The following WDR7 variants were observed in gnomAD, a reference collection of about 807,000 sequenced individuals.
WDR7 encodes WD repeat domain 7, also known as WD repeat-containing protein 7.
In WDR7, 46 loss-of-function variants were observed where a neutral mutation model predicts 169.4. The ratio of observed to expected loss-of-function variants is 0.27; its 90% CI spans 0.21 to 0.35. The LOEUF (loss-of-function observed/expected upper bound fraction) is 0.35, where lower values mean the gene tolerates loss of function less well. WDR7 is among the 10% of genes least tolerant of loss of function. The probability of loss-of-function intolerance (pLI) is 1.00; values close to 1 mark genes in which losing one functional copy is unlikely to be tolerated. For synonymous variants in WDR7, 612 were observed against 666.8 expected, an observed-to-expected ratio of 0.92 and a Z score of 1.27; for missense variants, 1,534 against 1,859.3, an observed-to-expected ratio of 0.83 and a Z score of 3.22.
At position 56,962,357 on chromosome 18, in the gene WDR7, T is replaced by C. The variant is rs76790929; in HGVS notation, c.4065-73T>C. Reference sequence around the variant, plus strand: ...CTGGCTTTAACCTTTGAAATGTTGCTGTCCACTTCCAAGTGCAGGTCATCT... The same window carrying C: ...CTGGCTTTAACCTTTGAAATGTTGCCGTCCACTTCCAAGTGCAGGTCATCT... On this transcript the variant is annotated intron_variant, in intron 25 of 27. Transcript: ENST00000254442. 0.011 allele frequency: 12,249 copies of C among 1,139,380 alleles called. 798 individuals are homozygous for C. The African/African-American group carries it at 0.15, about 14-fold the overall frequency. The allele number at this position is 1,139,380 out of a possible 1,614,324, so 70.6% of individuals were successfully genotyped here.
rs545128702 is a variant in WDR7 at position 56,746,516 on chromosome 18, A to C, written c.1990-10067A>C. 2.0e-5 allele frequency among the ~76,000 whole-genome samples: 3 copies of C among 152,228 alleles called. No individual in the cohort carries two copies. The South Asian group carries it at 6.2e-4, about 32-fold the overall frequency. On this transcript the variant is annotated intron_variant, in intron 14 of 27. Coordinates refer to ENST00000254442, the MANE Select transcript of WDR7 (RefSeq NM_015285.3). The stretch of plus-strand genomic sequence containing the variant: ...TATTTCAGTAAGTGTAGTACTTGCT[A>C]TATGCTTGTGCCACCCTTCACCTGG...
intron 17 of WDR7, among the ~76,000 whole-genome samples, chr18:56,777,808 G>A (rs2044263090): frequency 6.6e-6 from 1 of 152,144 alleles, no homozygotes; most frequent in Non-Finnish European, 1.5e-5. Context: ...AAAACATGGG[G>A]ACTTAAAAGT....
In WDR7 at chr18:56,694,618, G is replaced by A; in HGVS notation, c.967-1G>A. ...AGATATTCAAATACTTTTTTTGGCA[G>A]TTGCTAATTTGTCCTCCTGTTACTC... On this transcript the variant is annotated splice_acceptor_variant, in intron 9 of 27. Coordinates refer to ENST00000254442, the MANE Select transcript of WDR7 (RefSeq NM_015285.3). LOFTEE classifies it high-confidence loss of function. 6.2e-7 allele frequency: 1 copy of A among 1,601,218 alleles called. No homozygotes were observed. Among genetic ancestry groups the A allele is most frequent in the South Asian group, 1.1e-5 (1 of 88,510 alleles).
At chr18:56,850,592 C>T (rs1263076495) in intron 20 of WDR7, among the ~76,000 whole-genome samples, 1 of 152,186 alleles carries the variant, frequency 6.6e-6, no homozygotes. Flanking sequence ...CCACTGCAGC[C>T]TCAACCTCCT....
At chr18:56,691,018 C>T (rs1481113156) in intron 7 of WDR7, among the ~76,000 whole-genome samples, 198 bp from the exon 8 acceptor site, 2 of 152,196 alleles carry the variant, frequency 1.3e-5, no homozygotes, top group Non-Finnish European at 2.9e-5. Context: ...GGAGGTTACC[C>T]ATAACTAGGG....
chr18:56,700,252 C>CTTTTTTTTTT lies in WDR7; in HGVS notation c.1578+3804_1578+3813dup, dbSNP rs1226348026. Among the ~76,000 whole-genome samples the CTTTTTTTTTT allele has an allele frequency of 4.5e-4, 30 of 67,248 alleles. 2 individuals carry two copies. Among genetic ancestry groups the CTTTTTTTTTT allele is most frequent in the Admixed American group, 7.7e-4 (3 of 3,888 alleles). 44.1% of individuals were successfully genotyped at this position (67,248 alleles called of 152,430 possible). A position where few individuals can be genotyped will look rare whatever the true frequency, so the allele number is the denominator to read the frequency against. On this transcript the variant is annotated intron_variant, in intron 12 of 27. Coordinates refer to ENST00000254442, the MANE Select transcript of WDR7 (RefSeq NM_015285.3). ...AAAGATACTGTTTATTTTTCATTTT[C>CTTTTTTTTTT]TTTTTTTTTTTTTTTTTTTTTTTGA...
intron 20 of WDR7, among the ~76,000 whole-genome samples, chr18:56,877,912 T>G (rs1478865405): frequency 1.3e-5 from 2 of 152,108 alleles, no homozygotes; most frequent in African/African-American, 4.8e-5. Context: ...TTGGAAACCT[T>G]TGGAAAAACA....
chr18:57,011,832 T>C (rs1455507531), intron 26 of WDR7, among the ~76,000 whole-genome samples: 1 of 152,260 alleles, frequency 6.6e-6, no homozygotes, highest in Admixed American at 6.5e-5. Context: ...GGATTGCATT[T>C]ACCATGTACT....
intron 25 of WDR7, among the ~76,000 whole-genome samples, chr18:56,940,134 G>C (rs1362731889): frequency 1.3e-5 from 2 of 152,020 alleles, no homozygotes; most frequent in Non-Finnish European, 2.9e-5. Context: ...TAAATCTGTT[G>C]AAGATAATTG....
At chr18:56,788,510 G>T (rs779703831) in intron 19 of WDR7, among the ~76,000 whole-genome samples, 2 of 152,060 alleles carry the variant, frequency 1.3e-5, no homozygotes, top group Non-Finnish European at 2.9e-5. Context: ...GAGTAAACTG[G>T]CTAAGAATAA....
rs1413342801 is a variant in WDR7, at chr18:56,699,650, ATTACT to A, written c.1578+3192_1578+3196del. The A allele has an allele frequency of 1.7e-5, 3 of 176,300 alleles. No homozygotes were observed. In the Admixed American group the frequency reaches 2.0e-4, roughly 12 times the overall value. 10.9% of individuals were successfully genotyped at this position (176,300 alleles called of 1,614,324 possible). ...AGAGAAATGTCAGTTGTGTGTAAAA[ATTACT>A]TTAACTGTGAATAAGAATGTACAAA... On this transcript the variant is annotated intron_variant, in intron 12 of 27. Transcript: ENST00000254442.
At chr18:56,691,458 A>G (rs1283393356) in intron 8 of WDR7, 97 bp downstream of exon 8, 16 of 1,322,648 alleles carry the variant, frequency 1.2e-5, no homozygotes, top group African/African-American at 1.5e-5. Flanking sequence ...TATTATAAAT[A>G]TTTAACTTTG....
At chr18:56,858,747 C>G in intron 20 of WDR7, among the ~76,000 whole-genome samples, 1 of 152,104 alleles carries the variant, frequency 6.6e-6, no homozygotes, top group Non-Finnish European at 1.5e-5. Context: ...ATTAATTCAA[C>G]AAATATTTAT....
At chr18:56,799,151 C>G (rs1568201617) in intron 19 of WDR7, among the ~76,000 whole-genome samples, 2 of 152,128 alleles carry the variant, frequency 1.3e-5, no homozygotes, top group Non-Finnish European at 2.9e-5. Flanking sequence ...GTGAAGGACT[C>G]AGTGTCCAGC....
chr18:56,969,767 T>C (rs191776576), intron 26 of WDR7, among the ~76,000 whole-genome samples: 38 of 152,374 alleles, frequency 2.5e-4, no homozygotes, highest in African/African-American at 8.4e-4. Context: ...TCTCAGGCTC[T>C]TTATTTGTAT....
chr18:56,898,681 C>CA (rs1164139139), intron 21 of WDR7, among the ~76,000 whole-genome samples: 13 of 152,002 alleles, frequency 8.6e-5, no homozygotes, highest in African/African-American at 2.9e-4. Context: ...CCAAAAATGT[C>CA]AGAGTCTTGG....
intron 16 of WDR7, among the ~76,000 whole-genome samples, chr18:56,769,967 C>A (rs925945865): frequency 1.4e-4 from 22 of 151,968 alleles, no homozygotes; most frequent in Non-Finnish European, 2.8e-4. Context: ...TGTGGAAGCT[C>A]AAAGGGTAGG....
intron 26 of WDR7, among the ~76,000 whole-genome samples, chr18:56,993,663 G>A (rs983336266): frequency 2.6e-5 from 4 of 151,512 alleles, no homozygotes; most frequent in Admixed American, 1.3e-4. Context: ...AAGCATTTTT[G>A]TTCAGGCTGT....
At chr18:56,880,413 A>G (rs897385669) in intron 21 of WDR7, among the ~76,000 whole-genome samples, 15 of 152,134 alleles carry the variant, frequency 9.9e-5, no homozygotes, top group African/African-American at 3.6e-4. Context: ...GTATTTTTGC[A>G]TTGTTCGTCA....
Sources: gnomAD v4.1 joint callset for allele counts (sites outside exome capture counted in the v4.1 genomes callset) on GRCh38, gnomAD v4.1.1 for gene constraint, MANE v1.5 for transcripts, NCBI Gene and HGNC (gene_info 2026-07-23, HGNC 2026-07-21) for gene names.